Variants in MEGF6 observed in about 807,000 individuals in gnomAD.
The protein encoded by MEGF6 is multiple epidermal growth factor-like domains protein 6.
In MEGF6, 184 loss-of-function variants were observed where a neutral mutation model predicts 207.1. That is an observed-to-expected ratio of 0.89 (90% CI 0.79 to 1.00). The LOEUF (loss-of-function observed/expected upper bound fraction) is 1.00. Ranked by LOEUF, MEGF6 falls within the 50% of genes least tolerant of loss-of-function variation. The pLI is 0.00. For synonymous variants in MEGF6, 1,038 were observed against 910.0 expected, an observed-to-expected ratio of 1.14 and a Z score of -2.53; for missense variants, 2,282 against 2,202.9, an observed-to-expected ratio of 1.04 and a Z score of -0.72.
intron 4 of MEGF6, among the ~76,000 whole-genome samples, chr1:3,537,644 A>G (rs910390735): frequency 2.0e-5 from 3 of 152,234 alleles, no homozygotes; most frequent in Non-Finnish European, 4.4e-5. Flanking sequence ...GTGTGGCCAC[A>G]TGAGCAGAGG....
Position 3,511,618 on chromosome 1 carries a change from G to C in MEGF6, c.1046C>G (p.Thr349Ser), listed in dbSNP as rs1249580686. Residue 349 changes from threonine (T) to serine (S), a missense_variant, in exon 9 of 37, where the codon ACC (threonine) becomes AGC (serine). By Grantham distance (58) the Thr-to-Ser change is moderately conservative. Coordinates refer to ENST00000356575, the MANE Select transcript of MEGF6 (RefSeq NM_001409.4). Reference sequence around the variant, plus strand: ...ACATGTGCACAGGGGCCCAGCACTGGTGTGGCTGCAGCCATGGGAGCAGCC... The same window carrying C: ...ACATGTGCACAGGGGCCCAGCACTGCTGTGGCTGCAGCCATGGGAGCAGCC... ...NGGCSHGCSH[T>S]SAGPLCTCPR... 3.1e-6 allele frequency: 5 copies of C among 1,612,472 alleles called. No individual in the cohort carries two copies. In the South Asian group the frequency reaches 5.5e-5, roughly 18 times the overall value.
rs190246571 is a variant in MEGF6 at position 3,580,395 on chromosome 1, C to T, written c.377-466G>A. Among the ~76,000 whole-genome samples the T allele has an allele frequency of 2.4e-3, 365 of 152,312 alleles. 12 individuals are homozygous for T. The East Asian group carries it at 0.055, about 23-fold the overall frequency. ...GCCCCAGCCCCGGGAGGGGAGGCTC[C>T]GGCCCAGGCCAGTCAGACCCCAGGG... On this transcript the variant is annotated intron_variant, in intron 3 of 36. Coordinates refer to ENST00000356575, the MANE Select transcript of MEGF6 (RefSeq NM_001409.4).
chr1:3,587,436 G>A (rs1643907573), intron 3 of MEGF6, among the ~76,000 whole-genome samples: 1 of 152,224 alleles, frequency 6.6e-6, no homozygotes, highest in Non-Finnish European at 1.5e-5. Flanking sequence ...TTCTCCCGGT[G>A]TTCAATGTGA....
At chr1:3,508,168 C>T (rs1395437433) in intron 13 of MEGF6, among the ~76,000 whole-genome samples, 1 of 152,174 alleles carries the variant, frequency 6.6e-6, no homozygotes, top group Non-Finnish European at 1.5e-5. Context: ...CAGGCAGAGC[C>T]TCACTGACAG....
intron 3 of MEGF6, among the ~76,000 whole-genome samples, chr1:3,586,199 CTGTG>C (rs1450256678): frequency 7.1e-6 from 1 of 140,566 alleles, no homozygotes; most frequent in Non-Finnish European, 1.5e-5. Context: ...GACACACGTG[CTGTG>C]TGTGAGGACA....
rs1429436625 is a variant in MEGF6 at position 3,509,942 on chromosome 1, T to C, written c.1285A>G (p.Asn429Asp). The C allele has an allele frequency of 6.3e-7, 1 of 1,578,850 alleles. No homozygotes were observed. The highest frequency in any genetic ancestry group is 8.6e-7 in the Non-Finnish European group (1 of 1,166,600). Residue 429 changes from asparagine to aspartate, a missense_variant, in exon 11 of 37, where the codon AAC becomes GAC. Physicochemically the swap from Asn to Asp is conservative, Grantham distance 23. Transcript: ENST00000356575. ...SRGGCEHHCT[N>D]LAGSFQCSCE... ...GAGCACTGGAAGGAGCCGGCCAGGT[T>C]GGTGCAGTGGTGCTCGCAGCCGCCA...
chr1:3,617,859 G>A, the MEGF6 span, among the ~76,000 whole-genome samples: 3 of 152,180 alleles, frequency 2.0e-5, no homozygotes, highest in Non-Finnish European at 4.4e-5. Context: ...AAGGGGAACC[G>A]GGGGTTGCTG....
Position 3,549,807 on chromosome 1 carries a change from G to A in MEGF6, c.482-25561C>T, listed in dbSNP as rs1368239843. ...CCCGTACAAGGTGAGTCTTGAGCAG[G>A]GGCCTCTCAAAGCCCAGCTACGTGG... On this transcript the variant is annotated intron_variant, in intron 4 of 36. Coordinates refer to ENST00000356575, the MANE Select transcript of MEGF6 (RefSeq NM_001409.4). Among the ~76,000 whole-genome samples, 4 of 152,316 alleles carry A rather than the reference G, an allele frequency of 2.6e-5. No individual in the cohort carries two copies. The East Asian group carries it at 7.7e-4, about 29-fold the overall frequency.
chr1:3,611,012 T>A, intron 1 of MEGF6, 126 bp downstream of exon 1: 1 of 1,242,510 alleles, frequency 8.0e-7, no homozygotes, highest in Middle Eastern at 2.9e-4. Flanking sequence ...CCTCCCCAGT[T>A]AACGCAAACA....
chr1:3,566,652 C>T (rs771985872), intron 4 of MEGF6, among the ~76,000 whole-genome samples: 141 of 152,280 alleles, frequency 9.3e-4, no homozygotes, highest in East Asian at 2.5e-3. Flanking sequence ...ACGCACTTCA[C>T]GCTATGAGCC....
intron 4 of MEGF6, among the ~76,000 whole-genome samples, chr1:3,536,501 G>T (rs370239136): frequency 6.6e-6 from 1 of 152,152 alleles, no homozygotes; most frequent in Non-Finnish European, 1.5e-5. Flanking sequence ...GCCGTGGGGG[G>T]CAGCAGCCCA....
intron 4 of MEGF6, 61 bp downstream of exon 4, chr1:3,579,764 T>C (rs2821051): frequency 0.89 from 1,124,835 of 1,263,558 alleles, 503,399 homozygotes; most frequent in Non-Finnish European, 0.91. Flanking sequence ...CGACACATCC[T>C]CGCCCCTTGC....
chr1:3,611,831 T>G (rs772435932), upstream of MEGF6, among the ~76,000 whole-genome samples: 1 of 150,306 alleles, frequency 6.7e-6, no homozygotes, highest in African/African-American at 2.4e-5. Context: ...GCTCGTCTCA[T>G]GCGGAAAGTC....
At chr1:3,553,180 A>G (rs985192899) in intron 4 of MEGF6, among the ~76,000 whole-genome samples, 5 of 143,782 alleles carry the variant, frequency 3.5e-5, no homozygotes, top group Non-Finnish European at 6.1e-5. Flanking sequence ...TGACCCCCCA[A>G]ATCCTCTTCC....
At chr1:3,572,770 CTG>C (rs1643541767) in intron 4 of MEGF6, among the ~76,000 whole-genome samples, 1 of 149,484 alleles carries the variant, frequency 6.7e-6, no homozygotes, top group African/African-American at 2.5e-5. Flanking sequence ...CTGGGTTCTC[CTG>C]CGTATGCTGG....
At chr1:3,512,859 G>A (rs1182744803) in intron 7 of MEGF6, among the ~76,000 whole-genome samples, 2 of 152,196 alleles carry the variant, frequency 1.3e-5, no homozygotes, top group African/African-American at 2.4e-5. Context: ...GACACACACC[G>A]CTGCCTCAGA....
intron 4 of MEGF6, among the ~76,000 whole-genome samples, chr1:3,548,694 A>C (rs949592976): frequency 3.3e-5 from 5 of 152,110 alleles, no homozygotes; most frequent in Non-Finnish European, 7.4e-5. Context: ...GTGGGGCTGG[A>C]CGCCAGATGA....
chr1:3,531,583 G>A, intron 4 of MEGF6: 1 of 816,932 alleles, frequency 1.2e-6, no homozygotes, highest in Non-Finnish European at 1.5e-6. Context: ...ATTCCAGCGT[G>A]CGCGCTCCCG....
Position 3,494,084 on chromosome 1 carries a change from C to A in MEGF6, c.4170G>T (p.Leu1390Phe), listed in dbSNP as rs1406769273. The change falls in exon 33 of 37, where the codon TTG becomes TTT. Residue 1390 changes from leucine to phenylalanine, a missense_variant. Coordinates refer to ENST00000356575, the MANE Select transcript of MEGF6 (RefSeq NM_001409.4). ...PGFHGAGCQG[L>F]CWCQHGAPCD... is the part of the protein sequence containing the mutation. ...AGGGGGCTCCATGTTGACACCAGCA[C>A]AACCCCTGGCAGCCAGCCCCGTGGA... 5 of 1,591,330 alleles carry A rather than the reference C, an allele frequency of 3.1e-6. No homozygotes were observed. In the African/African-American group the frequency reaches 6.7e-5, roughly 21 times the overall value.
Sources: allele counts gnomAD v4.1 joint callset (sites outside exome capture counted in the v4.1 genomes callset), GRCh38; gene constraint gnomAD v4.1.1; transcripts MANE v1.5; gene names NCBI Gene and HGNC (gene_info 2026-07-23, HGNC 2026-07-21).